Variants in RIMBP2 observed in about 807,000 individuals in gnomAD.
The protein encoded by RIMBP2 is RIMS binding protein 2.
Under a neutral mutation model 118.6 loss-of-function variants are expected in RIMBP2, and 48 were observed. The observed-to-expected ratio is 0.40, with a 90% CI of 0.32 to 0.51. The LOEUF (loss-of-function observed/expected upper bound fraction) is 0.51, where lower values mean the gene tolerates loss of function less well. RIMBP2 is among the 20% of genes least tolerant of loss of function. The pLI is 0.41. For synonymous variants in RIMBP2, 762 were observed against 742.9 expected (o/e 1.03, Z -0.42); for missense variants, 1,551 against 1,768.3 (o/e 0.88, Z 2.20).
intron 3 of RIMBP2, among the ~76,000 whole-genome samples, chr12:130,512,936 C>T (rs2051071593): frequency 6.6e-6 from 1 of 152,074 alleles, no homozygotes; most frequent in Non-Finnish European, 1.5e-5. Context: ...CCTCACGAAT[C>T]CCAAATGTCT....
intron 2 of RIMBP2, among the ~76,000 whole-genome samples, chr12:130,613,598 A>G (rs1411065045): frequency 3.3e-5 from 5 of 152,090 alleles, no homozygotes; most frequent in Non-Finnish European, 7.4e-5. Flanking sequence ...GGTGGATTAC[A>G]TGGTCGGGAG....
At chr12:130,616,037 G>C in intron 2 of RIMBP2, among the ~76,000 whole-genome samples, 1 of 152,152 alleles carries the variant, frequency 6.6e-6, no homozygotes. Flanking sequence ...GGAGAGTGAC[G>C]CAGTCGGATG....
At chr12:130,483,611 C>G (rs1021248395) in intron 4 of RIMBP2, among the ~76,000 whole-genome samples, 1 of 148,108 alleles carries the variant, frequency 6.8e-6, no homozygotes, top group East Asian at 1.9e-4. Flanking sequence ...GGGTGGAAGG[C>G]GGGATACACA....
chr12:130,646,423 T>TTCCCTCACCACCTCCCTCACCACC (rs2062966725), intron 1 of RIMBP2, among the ~76,000 whole-genome samples: 2 of 7,484 alleles, frequency 2.7e-4, no homozygotes, highest in Non-Finnish European at 4.6e-4. Context: ...CCCTCACCAC[T>TTCCCTCACCACCTCCCTCACCACC]TCCCTCTCCA....
At chr12:130,480,843 C>T (rs1025132929) in intron 4 of RIMBP2, among the ~76,000 whole-genome samples, 59 of 152,334 alleles carry the variant, frequency 3.9e-4, no homozygotes, top group Admixed American at 2.6e-4. Flanking sequence ...TCAGGCGATC[C>T]GCCTGCCTCG....
At chr12:130,499,596 G>A (rs552825196) in intron 4 of RIMBP2, among the ~76,000 whole-genome samples, 8 of 152,114 alleles carry the variant, frequency 5.3e-5, no homozygotes, top group Non-Finnish European at 1.0e-4. Context: ...CCTGCACCTC[G>A]GGCTTCCACA....
intron 10 of RIMBP2, among the ~76,000 whole-genome samples, chr12:130,443,733 T>C (rs546646514): frequency 7.0e-4 from 106 of 152,272 alleles, no homozygotes; most frequent in African/African-American, 2.4e-3. Context: ...AATCCTTAGT[T>C]TGGCATAGGA....
chr12:130,399,010 T>TATC, intron 22 of RIMBP2: 1 of 136,200 alleles, frequency 7.3e-6, no homozygotes, highest in African/African-American at 3.6e-5. Context: ...TCTTTGTATC[T>TATC]TTTTTTTTTT....
intron 14 of RIMBP2, chr12:130,432,314 C>G (rs565146818): frequency 2.2e-5 from 10 of 456,614 alleles, no homozygotes; most frequent in African/African-American, 2.0e-4. Context: ...CTGTGGGCCT[C>G]AGTTTCCCTG....
At chr12:130,476,458 A>G (rs1032014626) in intron 5 of RIMBP2, among the ~76,000 whole-genome samples, 1 of 152,088 alleles carries the variant, frequency 6.6e-6, no homozygotes, top group Non-Finnish European at 1.5e-5. Context: ...TGGTGCAGGC[A>G]CCACTGCCTG....
rs1163975105 is a variant in RIMBP2 at position 130,422,466 on chromosome 12, T to C, written c.3225A>G (p.Thr1075=). ...SAGPQRSRPV[T]VPSIDDYGRD... The stretch of plus-strand genomic sequence containing the variant: ...GGGGCCACTAACCGATGGATGGGAC[T>C]GTCACGGGCCGGGACCTCTGAGGAC... Residue 1075 remains threonine (T), a synonymous_variant, in exon 17 of 23, where the codon ACA becomes ACG. Coordinates refer to ENST00000690449, the MANE Select transcript of RIMBP2 (RefSeq NM_001393629.1). This position sits in a 1 kb window ranked among gnomAD's most constrained non-coding sequence, Gnocchi z 5.2. 1 of 1,609,908 alleles carries C rather than the reference T, an allele frequency of 6.2e-7. No individual in the cohort carries two copies. The highest frequency in any genetic ancestry group is 2.2e-5 in the East Asian group (1 of 44,774).
At chr12:130,618,214 A>G (rs2140770459) in intron 2 of RIMBP2, among the ~76,000 whole-genome samples, 1 of 152,280 alleles carries the variant, frequency 6.6e-6, no homozygotes, top group East Asian at 1.9e-4. Flanking sequence ...AATCATTCAT[A>G]CTGCATATGA....
intron 1 of RIMBP2, among the ~76,000 whole-genome samples, chr12:130,654,995 G>A (rs936492328): frequency 9.8e-5 from 15 of 152,312 alleles, no homozygotes; most frequent in African/African-American, 3.1e-4. Flanking sequence ...ACCTGCTCCC[G>A]TGACCCAAAC....
intron 4 of RIMBP2, among the ~76,000 whole-genome samples, chr12:130,492,787 C>T (rs773265382): frequency 5.9e-5 from 9 of 152,104 alleles, no homozygotes; most frequent in African/African-American, 1.2e-4. Context: ...CAAAAAATAC[C>T]GTCCTTCCTA....
At chr12:130,654,246 G>C (rs1367229502) in intron 1 of RIMBP2, among the ~76,000 whole-genome samples, 1 of 152,172 alleles carries the variant, frequency 6.6e-6, no homozygotes, top group Non-Finnish European at 1.5e-5. Context: ...TCTGAGCATA[G>C]GTTATTAGAA....
chr12:130,631,361 AT>A (rs547444613), intron 1 of RIMBP2, among the ~76,000 whole-genome samples: 85 of 152,348 alleles, frequency 5.6e-4, no homozygotes, highest in African/African-American at 1.9e-3. Flanking sequence ...AACTATGTGT[AT>A]AGACTGGGGG....
chr12:130,412,796 AAG>A lies in RIMBP2; in HGVS notation c.3421-11_3421-10del, dbSNP rs758698919. 11 of 1,605,628 alleles carry A rather than the reference AAG, an allele frequency of 6.9e-6. No homozygotes were observed. In the East Asian group the frequency reaches 2.5e-4, roughly 36 times the overall value. On this transcript the variant is annotated splice_polypyrimidine_tract_variant and intron_variant, in intron 18 of 22. Transcript: ENST00000690449. ...TCTTTATCACCATAAACCTAGAGCC[AAG>A]GGGGAAAATAAATCAAGCACTGTAA...
At chr12:130,495,263 G>C (rs2049037011) in intron 4 of RIMBP2, among the ~76,000 whole-genome samples, 1 of 152,220 alleles carries the variant, frequency 6.6e-6, no homozygotes, top group Non-Finnish European at 1.5e-5. Flanking sequence ...CCATCTGCCT[G>C]GATTCATGCC....
chr12:130,504,812 G>A (rs900028423), intron 4 of RIMBP2, among the ~76,000 whole-genome samples: 3 of 152,180 alleles, frequency 2.0e-5, no homozygotes, highest in Non-Finnish European at 2.9e-5. Context: ...TGATCTGCAC[G>A]GATCTGCGCG....
Sources: allele counts gnomAD v4.1 joint callset (sites outside exome capture counted in the v4.1 genomes callset), GRCh38; gene constraint gnomAD v4.1.1; non-coding constraint Gnocchi (gnomAD v3.1); transcripts MANE v1.5; gene names NCBI Gene and HGNC (gene_info 2026-07-23, HGNC 2026-07-21).